SRP19: variants seen among roughly 807,000 people sequenced by gnomAD.
SRP19 encodes signal recognition particle 19 kDa protein.
A neutral mutation model predicts 22.4 loss-of-function variants in SRP19; 11 were observed. The observed-to-expected ratio is 0.49, with a 90% CI of 0.31 to 0.81. The LOEUF (loss-of-function observed/expected upper bound fraction) is 0.81, where lower values mean the gene tolerates loss of function less well. Ranked by LOEUF, SRP19 falls within the 40% of genes least tolerant of loss-of-function variation. The probability of loss-of-function intolerance (pLI) is 0.05; values close to 1 mark genes in which losing one functional copy is unlikely to be tolerated. For missense variants in SRP19, 168 were observed against 175.9 expected, an observed-to-expected ratio of 0.96 and a Z score of 0.25; for synonymous variants, 61 against 57.6, an observed-to-expected ratio of 1.06 and a Z score of -0.27.
intron 4 of SRP19, 179 bp downstream of exon 4, chr5:112,864,911 C>A (rs1475651692): frequency 2.3e-6 from 1 of 427,798 alleles, no homozygotes; most frequent in Admixed American, 4.1e-5. Context: ...TGAATGACCT[C>A]TTTGAAAATG....
rs558249750 is a variant in SRP19, at chr5:112,891,430, A to T, written c.302-173A>T. Among the ~76,000 whole-genome samples the T allele has an allele frequency of 2.6e-5, 4 of 152,280 alleles. No individual in the cohort carries two copies. The South Asian group carries it at 8.3e-4, about 32-fold the overall frequency. On this transcript the variant is annotated intron_variant, in intron 4 of 4. Coordinates refer to the SRP19 transcript ENST00000391338. ...ACATGAAATGAAATTCAAATTTATG[A>T]TATACTTAATTACAAAAAAAGTCTA... is the stretch of plus-strand genomic sequence containing the variant.
downstream of SRP19, among the ~76,000 whole-genome samples, chr5:112,874,638 A>T (rs1405921364): frequency 6.6e-6 from 1 of 152,196 alleles, no homozygotes; most frequent in South Asian, 2.1e-4. Flanking sequence ...TCCTGGACCC[A>T]ACATTGCCCG....
chr5:112,862,228 C>T (rs951581117), intron 1 of SRP19: 1 of 480,738 alleles, frequency 2.1e-6, no homozygotes, highest in Non-Finnish European at 3.7e-6. Context: ...TAAATACCCT[C>T]TAGACGTTTC....
chr5:112,891,136 A>G lies in SRP19; in HGVS notation c.302-467A>G, dbSNP rs944125490. 2.8e-5 allele frequency among the ~76,000 whole-genome samples: 4 copies of G among 142,304 alleles called. No homozygotes were observed. The Admixed American group carries it at 2.8e-4, about 10-fold the overall frequency. The allele number at this position is 142,304 out of a possible 152,430, so 93.4% of individuals were successfully genotyped here. On this transcript the variant is annotated intron_variant, in intron 4 of 4. Transcript: ENST00000391338. Reference sequence around the variant, plus strand: ...CACCCAGGCTGGAGTGTAGTGGCACAGTCTTGGCTCACTGCAACCTCTGCC... The same window carrying G: ...CACCCAGGCTGGAGTGTAGTGGCACGGTCTTGGCTCACTGCAACCTCTGCC...
downstream of SRP19, among the ~76,000 whole-genome samples, chr5:112,873,827 G>A (rs1046291174): frequency 1.3e-5 from 2 of 151,240 alleles, no homozygotes; most frequent in African/African-American, 2.4e-5. Context: ...GCTTTGTTTC[G>A]GTTGCTGGTT....
chr5:112,862,527 G>T lies in SRP19; in HGVS notation c.61G>T (p.Ala21Ser). Residue 21 changes from alanine to serine, a missense_variant, in exon 2 of 5, where the codon GCT (alanine) becomes TCT (serine). Coordinates refer to ENST00000505459, the MANE Select transcript of SRP19 (RefSeq NM_003135.3). ...TGGCAGGTTTATTTGTATCTATCCTGCTTATTTAAATAATAAGAAGACCAT... is the reference window on the plus strand; with the variant it reads ...TGGCAGGTTTATTTGTATCTATCCTTCTTATTTAAATAATAAGAAGACCAT... ...DQDRFICIYP[A>S]YLNNKKTIAE... The T allele has an allele frequency of 6.2e-7, 1 of 1,613,786 alleles. No individual in the cohort carries two copies. Among genetic ancestry groups the T allele is most frequent in the Non-Finnish European group, 8.5e-7 (1 of 1,179,824 alleles).
intron 4 of SRP19, chr5:112,885,770 C>A: frequency 3.9e-6 from 1 of 258,692 alleles, no homozygotes. Flanking sequence ...TACATATATG[C>A]CAAGCCCGTA....
rs538629021 is a variant in SRP19, at chr5:112,868,958, A to T, written c.*1421A>T. The T allele has an allele frequency of 2.0e-5, 3 of 152,218 alleles. No individual in the cohort carries two copies. In the East Asian group the frequency reaches 5.8e-4, roughly 29 times the overall value. 9.4% of individuals were successfully genotyped at this position (152,218 alleles called of 1,614,324 possible). A position where few individuals can be genotyped will look rare whatever the true frequency, so the allele number is the denominator to read the frequency against. On this transcript the variant is annotated 3_prime_UTR_variant, in exon 5 of 5. Coordinates refer to ENST00000505459, the MANE Select transcript of SRP19 (RefSeq NM_003135.3). ...AACATAATAGTATAAGACTTAGTTT[A>T]TATATTTGACTTACAAATAAATCCT...
chr5:112,864,915 G>C (rs1259437349), intron 4 of SRP19, 183 bp downstream of exon 4: 7 of 426,968 alleles, frequency 1.6e-5, no homozygotes, highest in Admixed American at 8.2e-5. Flanking sequence ...TGACCTCTTT[G>C]AAAATGTAAT....
downstream of SRP19, among the ~76,000 whole-genome samples, chr5:112,872,471 G>A (rs1767780865): frequency 6.6e-6 from 1 of 151,934 alleles, no homozygotes; most frequent in South Asian, 2.1e-4. Flanking sequence ...TGGGATTACA[G>A]CCATGTGTTA....
At chr5:112,895,602 A>G (rs1397304562), downstream of SRP19, 1 of 152,214 alleles carries the variant, frequency 6.6e-6, no homozygotes, top group African/African-American at 2.4e-5. Context: ...GTCTTGAGAC[A>G]GTAAAATAAT....
At chr5:112,863,918 C>CAG (rs1202793564) in intron 2 of SRP19, among the ~76,000 whole-genome samples, 1 of 152,174 alleles carries the variant, frequency 6.6e-6, no homozygotes, top group African/African-American at 2.4e-5. Flanking sequence ...GCTGGGATTA[C>CAG]AGGTGTGAGC....
chr5:112,879,285 C>T (rs1306417716), intron 4 of SRP19, among the ~76,000 whole-genome samples: 1 of 136,938 alleles, frequency 7.3e-6, no homozygotes, highest in African/African-American at 2.9e-5. Flanking sequence ...AGTCCTCATT[C>T]CCAGCACTAG....
intron 4 of SRP19, chr5:112,877,917 T>TAA (rs1460232171): frequency 6.6e-6 from 1 of 152,198 alleles, no homozygotes; most frequent in African/African-American, 2.4e-5. Flanking sequence ...GACAAATATG[T>TAA]AAAGTTTATA....
At chr5:112,886,706 C>T (rs1768258806) in intron 4 of SRP19, among the ~76,000 whole-genome samples, 1 of 152,112 alleles carries the variant, frequency 6.6e-6, no homozygotes, top group African/African-American at 2.4e-5. Flanking sequence ...ATTAAATAAA[C>T]AATTAGAAGA....
chr5:112,868,353 C>T lies in SRP19; in HGVS notation c.*816C>T, dbSNP rs893790034. On this transcript the variant is annotated 3_prime_UTR_variant, in exon 5 of 5. Transcript: ENST00000505459. The stretch of plus-strand genomic sequence containing the variant: ...GCCTGGTTTAGCTCTTCCTTGAATT[C>T]TGCAAGCTATCTCATATTTTCAGTA... 7 of 992,316 alleles carry T rather than the reference C, an allele frequency of 7.1e-6. No homozygotes were observed. The highest frequency in any genetic ancestry group is 8.4e-6 in the Non-Finnish European group (7 of 835,234). The allele number at this position is 992,316 out of a possible 1,614,324, so 61.5% of individuals were successfully genotyped here.
chr5:112,896,864 G>A (rs1023029887), downstream of SRP19: 2 of 152,230 alleles, frequency 1.3e-5, no homozygotes, highest in Non-Finnish European at 2.9e-5. Flanking sequence ...CTGGGAAAGA[G>A]GTTACAGTGA....
chr5:112,870,560 G>A (rs1031396944), downstream of SRP19, among the ~76,000 whole-genome samples: 6 of 152,120 alleles, frequency 3.9e-5, no homozygotes, highest in South Asian at 1.0e-3. Context: ...TACTTTTGGG[G>A]CAATAAGGAT....
intron 2 of SRP19, 115 bp downstream of exon 2, chr5:112,862,698 C>A: frequency 1.1e-6 from 1 of 875,606 alleles, no homozygotes; most frequent in Non-Finnish European, 1.8e-6. Flanking sequence ...TTATTTAGGG[C>A]TTGAGAACAC....
Sources: gnomAD v4.1 joint callset for allele counts (sites outside exome capture counted in the v4.1 genomes callset) on GRCh38, gnomAD v4.1.1 for gene constraint, MANE v1.5 for transcripts, NCBI Gene and HGNC (gene_info 2026-07-23, HGNC 2026-07-21) for gene names.